The following EYS variants were observed in gnomAD, a reference collection of about 807,000 sequenced individuals.
EYS encodes protein eyes shut homolog.
EYS carries 250 observed loss-of-function variants against 282.1 expected under a neutral mutation model. That is an observed-to-expected ratio of 0.89 (90% CI 0.80 to 0.98). The LOEUF is 0.98. Among genes scored for constraint, EYS ranks in the 50% least tolerant of loss-of-function variants. The pLI, the probability that EYS is intolerant of heterozygous loss-of-function variation, is 0.00. For synonymous variants in EYS, 1,355 were observed against 1,282.9 expected (o/e 1.06, Z -1.20); for missense variants, 4,016 against 3,709.0 (o/e 1.08, Z -2.15).
At chr6:65,449,199 T>G (rs1453083542) in intron 5 of EYS, among the ~76,000 whole-genome samples, 1 of 152,212 alleles carries the variant, frequency 6.6e-6, no homozygotes, top group East Asian at 1.9e-4. Flanking sequence ...CTTGATGTTC[T>G]CAATTACCTA....
intron 14 of EYS, among the ~76,000 whole-genome samples, chr6:64,984,552 A>G: frequency 6.6e-6 from 1 of 151,610 alleles, no homozygotes; most frequent in South Asian, 2.1e-4. Context: ...AGGAAGTTCA[A>G]TGCTCTGTAA....
intron 33 of EYS, among the ~76,000 whole-genome samples, chr6:64,050,377 G>C (rs1412235238): frequency 1.3e-5 from 2 of 152,020 alleles, no homozygotes; most frequent in Non-Finnish European, 2.9e-5. Context: ...TGTCTTAGTA[G>C]GCTAAAATTT....
At chr6:65,211,187 C>T (rs1766168740) in intron 12 of EYS, among the ~76,000 whole-genome samples, 1 of 151,964 alleles carries the variant, frequency 6.6e-6, no homozygotes, top group Admixed American at 6.6e-5. Context: ...GTTACAGGAA[C>T]CTTGAAGTTC....
At chr6:65,417,321 A>AT (rs1767278148) in intron 5 of EYS, among the ~76,000 whole-genome samples, 1 of 152,040 alleles carries the variant, frequency 6.6e-6, no homozygotes, top group South Asian at 2.1e-4. Flanking sequence ...AACAAATACC[A>AT]TTTAAGTAAA....
chr6:64,500,552 T>A (rs1168253952), intron 26 of EYS, among the ~76,000 whole-genome samples: 1 of 152,092 alleles, frequency 6.6e-6, no homozygotes, highest in African/African-American at 2.4e-5. Context: ...TATGGCAAAA[T>A]TTTTTTGTGT....
intron 18 of EYS, among the ~76,000 whole-genome samples, chr6:64,897,783 C>T (rs1433711260): frequency 6.6e-6 from 1 of 152,068 alleles, no homozygotes; most frequent in Non-Finnish European, 1.5e-5. Context: ...AGCTGAAAGC[C>T]ACAGCACAAG....
intron 1 of EYS, among the ~76,000 whole-genome samples, chr6:65,653,874 A>G (rs957382484): frequency 1.5e-4 from 23 of 152,008 alleles, no homozygotes; most frequent in Admixed American, 1.1e-3. Flanking sequence ...TGTCATCTAT[A>G]AGGACATAGG....
chr6:64,115,985 C>A (rs947269746), intron 31 of EYS, among the ~76,000 whole-genome samples: 1 of 151,306 alleles, frequency 6.6e-6, no homozygotes, highest in Non-Finnish European at 1.5e-5. Context: ...TAGTGAGCTA[C>A]AAGAAAACAT....
At chr6:64,850,540 GGGAAATAAGA>G (rs1264586596) in intron 19 of EYS, among the ~76,000 whole-genome samples, 4 of 151,976 alleles carry the variant, frequency 2.6e-5, no homozygotes, top group Non-Finnish European at 5.9e-5. Context: ...ATATTAGAAA[GGGAAATAAGA>G]CAGCAGGAGG....
intron 26 of EYS, among the ~76,000 whole-genome samples, chr6:64,587,311 T>C (rs1766263456): frequency 2.0e-5 from 3 of 152,060 alleles, no homozygotes; most frequent in Admixed American, 1.3e-4. Flanking sequence ...GTGGAAATGA[T>C]AGCACTCAGT....
chr6:64,160,774 C>A (rs1288944329), intron 31 of EYS, among the ~76,000 whole-genome samples: 1 of 152,178 alleles, frequency 6.6e-6, no homozygotes, highest in Non-Finnish European at 1.5e-5. Context: ...TGTGCACCTG[C>A]CAAATACACA....
chr6:64,085,326 G>A (rs1247471692), intron 31 of EYS, among the ~76,000 whole-genome samples: 10 of 101,242 alleles, frequency 9.9e-5, no homozygotes, highest in African/African-American at 5.1e-4. Flanking sequence ...GCGCGCGCGT[G>A]CGCACGTGCG....
At chr6:63,817,903 A>G (rs748103836) in intron 36 of EYS, among the ~76,000 whole-genome samples, 20 of 152,164 alleles carry the variant, frequency 1.3e-4, no homozygotes, top group Non-Finnish European at 2.9e-4. Flanking sequence ...CGAGGCCTCC[A>G]TTAACTCTTA....
intron 19 of EYS, among the ~76,000 whole-genome samples, chr6:64,860,357 T>G (rs911670271): frequency 1.3e-5 from 2 of 152,164 alleles, no homozygotes; most frequent in Non-Finnish European, 2.9e-5. Flanking sequence ...CCTGCCAAGG[T>G]TGAGCAGAGT....
intron 14 of EYS, among the ~76,000 whole-genome samples, chr6:64,981,751 C>T (rs1770674347): frequency 6.6e-6 from 1 of 151,324 alleles, no homozygotes; most frequent in Admixed American, 6.6e-5. Flanking sequence ...AAAGAAAATG[C>T]AGACCATTTT....
chr6:64,044,459 C>A lies in EYS; in HGVS notation c.6725+21879G>T, dbSNP rs1427156827. ...ATCAAAATGGCAAAGAGCCGGGGAGCACTTCAGGTGGAACGTAAGTTCACT... is the reference window on the plus strand; with the variant it reads ...ATCAAAATGGCAAAGAGCCGGGGAGAACTTCAGGTGGAACGTAAGTTCACT... On this transcript the variant is annotated intron_variant, in intron 33 of 42. Coordinates refer to ENST00000503581, the MANE Select transcript of EYS (RefSeq NM_001142800.2). Among the ~76,000 whole-genome samples, 6 of 152,286 alleles carry A rather than the reference C, an allele frequency of 3.9e-5. No individual in the cohort carries two copies. In the East Asian group the frequency reaches 7.7e-4, roughly 20 times the overall value.
intron 22 of EYS, among the ~76,000 whole-genome samples, chr6:64,693,594 G>A (rs1043452094): frequency 6.6e-6 from 1 of 151,894 alleles, no homozygotes; most frequent in Non-Finnish European, 1.5e-5. Flanking sequence ...CACTATGGAG[G>A]AAAAAATGAA....
intron 12 of EYS, among the ~76,000 whole-genome samples, chr6:65,266,398 T>C (rs1003455316): frequency 1.7e-4 from 26 of 152,032 alleles, no homozygotes; most frequent in African/African-American, 6.3e-4. Context: ...CGGAACTCCA[T>C]ATACTTTTTT....
At chr6:65,606,696 T>C (rs777049835) in intron 2 of EYS, among the ~76,000 whole-genome samples, 1 of 151,860 alleles carries the variant, frequency 6.6e-6, no homozygotes, top group Non-Finnish European at 1.5e-5. Context: ...TAAAATTACT[T>C]AAATGAAAAG....
Sources: gnomAD v4.1 joint callset for allele counts (sites outside exome capture counted in the v4.1 genomes callset) on GRCh38, gnomAD v4.1.1 for gene constraint, MANE v1.5 for transcripts, NCBI Gene and HGNC (gene_info 2026-07-23, HGNC 2026-07-21) for gene names.